The following MAGI1 variants were observed in gnomAD, a reference collection of about 807,000 sequenced individuals.
The protein encoded by MAGI1 is membrane associated guanylate kinase, WW and PDZ domain containing 1.
Under a neutral mutation model 139.9 loss-of-function variants are expected in MAGI1, and 58 were observed. The observed-to-expected ratio is 0.41, with a 90% CI of 0.34 to 0.52. The LOEUF is 0.52. MAGI1 is among the 20% of genes least tolerant of loss of function. The pLI is 0.12. For missense variants in MAGI1, 1,874 were observed against 1,901.6 expected (o/e 0.99, Z 0.27); for synonymous variants, 812 against 737.9 (o/e 1.10, Z -1.63).
At chr3:65,844,701 G>T (rs1396187008) in intron 1 of MAGI1, among the ~76,000 whole-genome samples, 1 of 152,102 alleles carries the variant, frequency 6.6e-6, no homozygotes, top group Non-Finnish European at 1.5e-5. Context: ...AGCTTAAAAA[G>T]AAACTGAAAA....
At chr3:65,941,740 T>C (rs1014181514) in intron 1 of MAGI1, among the ~76,000 whole-genome samples, 5 of 152,286 alleles carry the variant, frequency 3.3e-5, no homozygotes, top group Middle Eastern at 3.4e-3. Flanking sequence ...ATAAGAACTG[T>C]TTCCCAATGG....
chr3:65,945,001 C>T (rs1460010256), intron 1 of MAGI1, among the ~76,000 whole-genome samples: 1 of 152,132 alleles, frequency 6.6e-6, no homozygotes, highest in Admixed American at 6.6e-5. Context: ...GGACGGGAAC[C>T]AAATTCATCC....
intron 1 of MAGI1, among the ~76,000 whole-genome samples, chr3:65,993,361 C>A (rs1232729872): frequency 6.6e-6 from 1 of 152,162 alleles, no homozygotes; most frequent in Non-Finnish European, 1.5e-5. Context: ...GTTGACAGAA[C>A]AAGAACCCAT....
intron 1 of MAGI1, among the ~76,000 whole-genome samples, chr3:65,923,019 T>C (rs1434092271): frequency 6.6e-6 from 1 of 152,166 alleles, no homozygotes; most frequent in Non-Finnish European, 1.5e-5. Flanking sequence ...TTGCAAATTA[T>C]AGCTTCCCTT....
In MAGI1 at chr3:66,038,342, C is replaced by G. The variant is rs753172573; in HGVS notation, c.-34G>C. The G allele has an allele frequency of 1.6e-5, 25 of 1,516,080 alleles. No homozygotes were observed. The African/African-American group carries it at 2.2e-4, about 13-fold the overall frequency. 93.9% of individuals were successfully genotyped at this position (1,516,080 alleles called of 1,614,324 possible). On this transcript the variant is annotated 5_prime_UTR_variant, in exon 1 of 23. Transcript: ENST00000402939. ...ACACCCCTCCTCCAAAAAAATAAAA[C>G]GAGAGACAGGTGCCCCCCACAGCAC... is the stretch of plus-strand genomic sequence containing the variant.
chr3:65,371,152 G>A (rs567234465), intron 18 of MAGI1, among the ~76,000 whole-genome samples: 5 of 152,214 alleles, frequency 3.3e-5, no homozygotes, highest in East Asian at 3.9e-4. Flanking sequence ...CAATCCCTGC[G>A]TCCTGTTCTT....
At position 65,388,293 on chromosome 3, in the gene MAGI1, C is replaced by T. The variant is rs1943610616; in HGVS notation, c.2416+2849G>A. Among the ~76,000 whole-genome samples, 3 of 152,048 alleles carry T rather than the reference C, an allele frequency of 2.0e-5. No homozygotes were observed. The South Asian group carries it at 6.2e-4, about 32-fold the overall frequency. ...ACAGATTGTGTTAATCTCCACATTG[C>T]CCCTAATAAAAGAAAAGAAAAAGAA... On this transcript the variant is annotated intron_variant, in intron 14 of 22. Transcript: ENST00000402939.
intron 2 of MAGI1, among the ~76,000 whole-genome samples, chr3:65,550,485 A>G (rs1020113764): frequency 6.6e-6 from 1 of 152,204 alleles, no homozygotes; most frequent in African/African-American, 2.4e-5. Flanking sequence ...CTCTAGGCCA[A>G]GAAGAAAATC....
At chr3:65,460,774 C>T (rs147510743) in intron 5 of MAGI1, among the ~76,000 whole-genome samples, 96 of 152,212 alleles carry the variant, frequency 6.3e-4, no homozygotes, top group African/African-American at 2.1e-3. Flanking sequence ...GTTCAACTCC[C>T]ACTTATAAGT....
Position 65,356,196 on chromosome 3 carries a change from G to T in MAGI1, c.*182C>A. On this transcript the variant is annotated 3_prime_UTR_variant, in exon 23 of 23. Coordinates refer to ENST00000402939, the MANE Select transcript of MAGI1 (RefSeq NM_001033057.2). ...ATACTTTCTTTAATATGATACATCAGGCACAATACTTTTCATATATATTTT... is the reference window on the plus strand; with the variant it reads ...ATACTTTCTTTAATATGATACATCATGCACAATACTTTTCATATATATTTT... 1.8e-6 allele frequency: 1 copy of T among 547,680 alleles called. No homozygotes were observed. The allele number at this position is 547,680 out of a possible 1,614,324, so 33.9% of individuals were successfully genotyped here.
intron 1 of MAGI1, among the ~76,000 whole-genome samples, chr3:65,807,610 C>A (rs2040944122): frequency 6.6e-6 from 1 of 152,132 alleles, no homozygotes; most frequent in Admixed American, 6.5e-5. Context: ...CCATCTCCAC[C>A]ACACAGAGAA....
intron 1 of MAGI1, among the ~76,000 whole-genome samples, chr3:65,994,596 T>A (rs2066344768): frequency 6.6e-6 from 1 of 152,240 alleles, no homozygotes; most frequent in Non-Finnish European, 1.5e-5. Context: ...CTTACAACTC[T>A]GTGCATTTAG....
chr3:65,481,564 A>C (rs1355499491), intron 3 of MAGI1, among the ~76,000 whole-genome samples: 2 of 152,248 alleles, frequency 1.3e-5, no homozygotes, highest in Admixed American at 6.5e-5. Flanking sequence ...TTTTCAAGTT[A>C]GATGTTAAAT....
At chr3:65,685,515 A>G (rs2087943765) in intron 1 of MAGI1, among the ~76,000 whole-genome samples, 1 of 152,196 alleles carries the variant, frequency 6.6e-6, no homozygotes, top group Non-Finnish European at 1.5e-5. Flanking sequence ...TCCATCTCAT[A>G]TATATTTTGT....
intron 1 of MAGI1, among the ~76,000 whole-genome samples, chr3:65,729,800 A>G (rs1050937650): frequency 2.6e-5 from 4 of 152,230 alleles, no homozygotes; most frequent in Admixed American, 2.6e-4. Context: ...CAGCACTGCA[A>G]TCTAAGCAGG....
At chr3:65,780,475 T>C (rs2038842981) in intron 1 of MAGI1, among the ~76,000 whole-genome samples, 1 of 152,168 alleles carries the variant, frequency 6.6e-6, no homozygotes, top group South Asian at 2.1e-4. Context: ...CGACTAACAA[T>C]GAGGTCCAAA....
chr3:65,670,705 C>T (rs1385610031), intron 1 of MAGI1, among the ~76,000 whole-genome samples: 1 of 152,098 alleles, frequency 6.6e-6, no homozygotes, highest in Non-Finnish European at 1.5e-5. Context: ...ATCCACTGTT[C>T]ATCTCTTCCC....
At chr3:65,565,429 A>G (rs546266642) in intron 2 of MAGI1, among the ~76,000 whole-genome samples, 2 of 152,322 alleles carry the variant, frequency 1.3e-5, no homozygotes, top group Non-Finnish European at 2.9e-5. Flanking sequence ...AAAGCAAAAC[A>G]AAAAACAAAA....
At chr3:65,807,801 C>A (rs2108173367) in intron 1 of MAGI1, among the ~76,000 whole-genome samples, 1 of 152,294 alleles carries the variant, frequency 6.6e-6, no homozygotes, top group Non-Finnish European at 1.5e-5. Context: ...TGATAATCCT[C>A]AGAGCAACCT....
Sources: gnomAD v4.1 joint callset for allele counts (sites outside exome capture counted in the v4.1 genomes callset) on GRCh38, gnomAD v4.1.1 for gene constraint, MANE v1.5 for transcripts, NCBI Gene and HGNC (gene_info 2026-07-23, HGNC 2026-07-21) for gene names.